Variants in FLYWCH2 observed in about 807,000 individuals in gnomAD.
FLYWCH2 encodes the protein FLYWCH family member 2.
A neutral mutation model predicts 6.0 loss-of-function variants in FLYWCH2; 2 were observed. That is an observed-to-expected ratio of 0.33 (90% confidence interval 0.14 to 1.04). The LOEUF (loss-of-function observed/expected upper bound fraction) is 1.04, where lower values mean the gene tolerates loss of function less well. Ranked by LOEUF, FLYWCH2 falls within the 50% of genes least tolerant of loss-of-function variation. The pLI is 0.45. For synonymous variants in FLYWCH2, 87 were observed against 79.3 expected (o/e 1.10, Z -0.52); for missense variants, 192 against 183.4 (o/e 1.05, Z -0.27).
chr16:2,890,502 C>T (rs538111669), intron 1 of FLYWCH2, among the ~76,000 whole-genome samples: 53 of 151,996 alleles, frequency 3.5e-4, no homozygotes, highest in Non-Finnish European at 4.9e-4. Flanking sequence ...GCAATCTCCA[C>T]CTTCTGATTT....
Position 2,899,306 on chromosome 16 carries a change from T to C in FLYWCH2, c.*157T>C. The C allele has an allele frequency of 9.4e-6, 5 of 530,630 alleles. No individual in the cohort carries two copies. The highest frequency in any genetic ancestry group is 8.2e-5 in the South Asian group (3 of 36,612). The allele number at this position is 530,630 out of a possible 1,614,324, so 32.9% of individuals were successfully genotyped here. The stretch of plus-strand genomic sequence containing the variant: ...TTTTTAGATCAAGTATAAGTTACTT[T>C]TGTAAGCAGAAAAATACTTTCAAAC... On this transcript the variant is annotated 3_prime_UTR_variant, in exon 4 of 4. Coordinates refer to ENST00000396958, the MANE Select transcript of FLYWCH2 (RefSeq NM_138439.3).
rs370639514 is a variant in FLYWCH2, at chr16:2,884,211, C to T, written c.-200+845C>T. Among the ~76,000 whole-genome samples the T allele has an allele frequency of 2.0e-3, 306 of 152,260 alleles. 7 individuals carry two copies. The South Asian group carries it at 0.046, about 23-fold the overall frequency. The stretch of plus-strand genomic sequence containing the variant: ...GATAAATTCACCACTATTTCCGTTA[C>T]GCAGATGAAACCTGCTGGGAGGGTA... On this transcript the variant is annotated intron_variant, in intron 1 of 3. Coordinates refer to ENST00000396958, the MANE Select transcript of FLYWCH2 (RefSeq NM_138439.3).
chr16:2,889,506 G>A (rs1248439213), intron 1 of FLYWCH2, among the ~76,000 whole-genome samples: 5 of 150,578 alleles, frequency 3.3e-5, no homozygotes, highest in African/African-American at 9.8e-5. Flanking sequence ...CACTGCGCCC[G>A]GCCAACCTTT....
chr16:2,887,556 T>C (rs949639847), intron 1 of FLYWCH2, among the ~76,000 whole-genome samples: 1 of 151,770 alleles, frequency 6.6e-6, no homozygotes, highest in African/African-American at 2.4e-5. Flanking sequence ...TAGCATTTAA[T>C]GTTTGTTTTT....
chr16:2,892,306 C>T (rs965912148), intron 1 of FLYWCH2, among the ~76,000 whole-genome samples: 4 of 150,402 alleles, frequency 2.7e-5, no homozygotes, highest in African/African-American at 9.8e-5. Flanking sequence ...ACCAGCTTGG[C>T]CAACATGGTG....
chr16:2,887,967 C>T (rs1036213043), intron 1 of FLYWCH2, among the ~76,000 whole-genome samples: 1 of 151,262 alleles, frequency 6.6e-6, no homozygotes, highest in Non-Finnish European at 1.5e-5. Flanking sequence ...TCTGGACTCT[C>T]AGTTCTATTC....
chr16:2,884,236 A>G (rs1404063959), intron 1 of FLYWCH2, among the ~76,000 whole-genome samples: 1 of 152,118 alleles, frequency 6.6e-6, no homozygotes, highest in East Asian at 1.9e-4. Context: ...CTGGGAGGGT[A>G]AGGGATTTGT....
intron 1 of FLYWCH2, among the ~76,000 whole-genome samples, chr16:2,889,356 G>A (rs1216088577): frequency 6.6e-6 from 1 of 151,428 alleles, no homozygotes; most frequent in Admixed American, 6.6e-5. Flanking sequence ...GACTACAGGC[G>A]CCTGCCACCA....
At chr16:2,895,605 A>C (rs946068284) in intron 2 of FLYWCH2, among the ~76,000 whole-genome samples, 1 of 152,186 alleles carries the variant, frequency 6.6e-6, no homozygotes, top group Non-Finnish European at 1.5e-5. Context: ...ACAGAGCGAG[A>C]CTCCGTCTCC....
At chr16:2,886,189 T>TA (rs2069696276) in intron 1 of FLYWCH2, among the ~76,000 whole-genome samples, 1 of 149,030 alleles carries the variant, frequency 6.7e-6, no homozygotes, top group African/African-American at 2.4e-5. Flanking sequence ...TTGTTATTAT[T>TA]TTTTTTTTTT....
intron 2 of FLYWCH2, 91 bp from the exon 3 acceptor site, chr16:2,896,261 G>T: frequency 1.5e-6 from 1 of 687,712 alleles, no homozygotes. Flanking sequence ...GAGCAGTGAG[G>T]CAGCCCCATC....
At chr16:2,897,696 C>T (rs1207328165) in intron 3 of FLYWCH2, among the ~76,000 whole-genome samples, 2 of 152,234 alleles carry the variant, frequency 1.3e-5, no homozygotes, top group Non-Finnish European at 2.9e-5. Flanking sequence ...CTGTCCCCTG[C>T]AGGAGGACAG....
chr16:2,892,504 AAC>A (rs1491562895), intron 1 of FLYWCH2, among the ~76,000 whole-genome samples: 5 of 148,860 alleles, frequency 3.4e-5, no homozygotes, highest in South Asian at 2.1e-4. Flanking sequence ...TCAAAAAAAA[AAC>A]ACAATTTATC....
At position 2,899,115 on chromosome 16, in the gene FLYWCH2, C is replaced by T. The variant is rs555954202; in HGVS notation, c.389C>T (p.Ala130Val). 2 of 1,613,560 alleles carry T rather than the reference C, an allele frequency of 1.2e-6. No individual in the cohort carries two copies. Among genetic ancestry groups the T allele is most frequent in the Admixed American group, 1.7e-5 (1 of 59,944 alleles). ...CCTGAGGCTGCTGGGGAGAACTTTG[C>T]CCCCTGCTCTGTGGCGCCCGGCAAG... ...GPPEAAGENF[A>V]PCSVAPGKSL is the part of the protein sequence containing the mutation. The change falls in exon 4 of 4, where the codon GCC becomes GTC. Residue 130 changes from alanine (A) to valine (V), a missense_variant. Transcript: ENST00000396958.
intron 1 of FLYWCH2, among the ~76,000 whole-genome samples, chr16:2,892,268 G>T (rs2069766094): frequency 6.6e-6 from 1 of 151,734 alleles, no homozygotes; most frequent in Non-Finnish European, 1.5e-5. Context: ...GCTGAGGCGG[G>T]TGGATCACCT....
chr16:2,884,980 TAAC>T (rs551776953), intron 1 of FLYWCH2, among the ~76,000 whole-genome samples: 4 of 152,030 alleles, frequency 2.6e-5, no homozygotes, highest in Non-Finnish European at 5.9e-5. Context: ...TCTGAATATT[TAAC>T]AACTTTATTG....
At chr16:2,887,591 G>T (rs2069713129) in intron 1 of FLYWCH2, among the ~76,000 whole-genome samples, 2 of 150,968 alleles carry the variant, frequency 1.3e-5, no homozygotes, top group African/African-American at 2.4e-5. Context: ...TATTTTTTGA[G>T]ACAGAGTCTT....
chr16:2,899,204 T>C lies in FLYWCH2; in HGVS notation c.*55T>C. 1 of 1,325,396 alleles carries C rather than the reference T, an allele frequency of 7.5e-7. No individual in the cohort carries two copies. The allele number at this position is 1,325,396 out of a possible 1,614,324, so 82.1% of individuals were successfully genotyped here. A position where few individuals can be genotyped will look rare whatever the true frequency, so the allele number is the denominator to read the frequency against. ...ACCAACCCAGCCATAGGCTCTTCTC[T>C]GTCCGCAGGGCTTCTGGGGCCAAAT... On this transcript the variant is annotated 3_prime_UTR_variant, in exon 4 of 4. Coordinates refer to ENST00000396958, the MANE Select transcript of FLYWCH2 (RefSeq NM_138439.3).
At position 2,896,612 on chromosome 16, in the gene FLYWCH2, G is replaced by A. The variant is rs1448241084; in HGVS notation, c.163G>A (p.Ala55Thr). The A allele has an allele frequency of 3.1e-6, 5 of 1,613,976 alleles. No homozygotes were observed. In the African/African-American group the frequency reaches 6.7e-5, roughly 22 times the overall value. The change falls in exon 3 of 4, where the codon GCG becomes ACG. Residue 55 changes from alanine to threonine, a missense_variant. Coordinates refer to ENST00000396958, the MANE Select transcript of FLYWCH2 (RefSeq NM_138439.3). ...AGCCTCCAAAGACAGCACCAAGGTGGCGGGGGCCAAGCGCAAGGGTGTGCA... is the reference window on the plus strand; with the variant it reads ...AGCCTCCAAAGACAGCACCAAGGTGACGGGGGCCAAGCGCAAGGGTGTGCA... ...LTASKDSTKV[A>T]GAKRKGVHCV...
Sources: allele counts gnomAD v4.1 joint callset (sites outside exome capture counted in the v4.1 genomes callset), GRCh38; gene constraint gnomAD v4.1.1; transcripts MANE v1.5; gene names NCBI Gene and HGNC (gene_info 2026-07-23, HGNC 2026-07-21).